Variants in TESPA1 observed in about 807,000 individuals in gnomAD.
The protein encoded by TESPA1 is thymocyte expressed, positive selection associated 1.
A neutral mutation model predicts 57.9 loss-of-function variants in TESPA1; 33 were observed. The ratio of observed to expected loss-of-function variants is 0.57; its 90% CI spans 0.43 to 0.76. The LOEUF (loss-of-function observed/expected upper bound fraction) is 0.76, where lower values mean the gene tolerates loss of function less well. Ranked by LOEUF, TESPA1 falls within the 30% of genes least tolerant of loss-of-function variation. TESPA1 has a pLI of 0.00. For missense variants in TESPA1, 618 were observed against 632.9 expected (o/e 0.98, Z 0.25); for synonymous variants, 227 against 228.9 (o/e 0.99, Z 0.07).
intron 7 of TESPA1, among the ~76,000 whole-genome samples, chr12:54,964,874 G>A (rs1951326808): frequency 6.6e-6 from 1 of 152,166 alleles, no homozygotes; most frequent in Non-Finnish European, 1.5e-5. Flanking sequence ...CACCTTTGCA[G>A]GCTTTAAAAA....
rs1420081992 is a variant in TESPA1 at position 54,963,837 on chromosome 12, G to A, written c.560C>T (p.Thr187Ile). ...DTSRIPARFF[T>I]TPSQAKGIDF... ...AATGCCCTTGGCCTGAGAGGGGGTG[G>A]TGAAAAATCGGGCGGGTATCCGAGA... The change falls in exon 8 of 11, where the codon ACC becomes ATC. Residue 187 changes from threonine to isoleucine, a missense_variant. This residue lies in a region of TESPA1 where 409 missense variants were observed against 420.1 expected (regional missense o/e 0.97). Coordinates refer to ENST00000449076, the MANE Select transcript of TESPA1 (RefSeq NM_001136030.3). The A allele has an allele frequency of 1.2e-6, 2 of 1,613,874 alleles. No homozygotes were observed. The highest frequency in any genetic ancestry group is 1.7e-6 in the Non-Finnish European group (2 of 1,179,888).
intron 10 of TESPA1, among the ~76,000 whole-genome samples, chr12:54,953,679 T>C (rs60780435): frequency 0.2 from 31,058 of 151,804 alleles, 5,409 homozygotes; most frequent in East Asian, 0.84. Context: ...CCACTACGCC[T>C]GGCTAATTTT....
At chr12:54,973,904 G>C in intron 2 of TESPA1, 1 of 1,055,436 alleles carries the variant, frequency 9.5e-7, no homozygotes, top group Non-Finnish European at 1.1e-6. Flanking sequence ...CAGAATTTTT[G>C]TTTTACTCTT....
Position 54,984,373 on chromosome 12 carries a change from AAAAC to A in TESPA1, c.-46+208_-46+211del, listed in dbSNP as rs1167636746. On this transcript the variant is annotated intron_variant, in intron 1 of 10. Coordinates refer to ENST00000449076, the MANE Select transcript of TESPA1 (RefSeq NM_001136030.3). ...AGATTACCTCTCTGATAATAAAGAG[AAAAC>A]AAACAAACGAAAGCAAAAGGGCACC... Among the ~76,000 whole-genome samples the A allele has an allele frequency of 4.6e-5, 7 of 152,322 alleles. No homozygotes were observed. In the East Asian group the frequency reaches 1.2e-3, roughly 25 times the overall value.
chr12:54,973,830 GAAAA>G (rs1344764813), intron 2 of TESPA1: 9 of 1,129,010 alleles, frequency 8.0e-6, no homozygotes, highest in Non-Finnish European at 9.7e-6. Context: ...AAAAGAAAAA[GAAAA>G]AGAAAGACAA....
intron 3 of TESPA1, among the ~76,000 whole-genome samples, chr12:54,972,208 G>T (rs1232381029): frequency 1.3e-5 from 2 of 152,200 alleles, no homozygotes; most frequent in Non-Finnish European, 2.9e-5. Flanking sequence ...TGTAGAGCAT[G>T]AGTGAAGAAA....
At position 54,949,623 on chromosome 12, in the gene TESPA1, A is replaced by G. The variant is rs1950262949; in HGVS notation, c.*769T>C. ...ACAGCTGTTAGTTAACTTTAAAAACATGCCATGATTTAAAAAAAATATTTG... is the reference window on the plus strand; with the variant it reads ...ACAGCTGTTAGTTAACTTTAAAAACGTGCCATGATTTAAAAAAAATATTTG... On this transcript the variant is annotated 3_prime_UTR_variant, in exon 11 of 11. Coordinates refer to ENST00000449076, the MANE Select transcript of TESPA1 (RefSeq NM_001136030.3). 1 of 152,450 alleles carries G rather than the reference A, an allele frequency of 6.6e-6. No individual in the cohort carries two copies. Among genetic ancestry groups the G allele is most frequent in the Non-Finnish European group, 1.5e-5 (1 of 68,042 alleles). The allele number at this position is 152,450 out of a possible 1,614,324, so 9.4% of individuals were successfully genotyped here. A position where few individuals can be genotyped will look rare whatever the true frequency, so the allele number is the denominator to read the frequency against.
chr12:54,966,569 C>T, intron 5 of TESPA1, 145 bp from the exon 6 acceptor site: 1 of 870,522 alleles, frequency 1.1e-6, no homozygotes, highest in Non-Finnish European at 1.8e-6. Flanking sequence ...TTCTGCACTT[C>T]TTGGGGCCTC....
chr12:54,980,927 A>C (rs1328146211), intron 1 of TESPA1, among the ~76,000 whole-genome samples: 1 of 152,106 alleles, frequency 6.6e-6, no homozygotes. Context: ...TGTCCTTGGT[A>C]ACACTATCTT....
At chr12:54,951,628 AT>A (rs143138909) in intron 10 of TESPA1, among the ~76,000 whole-genome samples, 6,987 of 152,272 alleles carry the variant, frequency 0.046, 523 homozygotes, top group African/African-American at 0.16. Flanking sequence ...AAATAAAAAT[AT>A]TCTTATCAAG....
chr12:54,969,046 T>TATATATATATATATATATAA, intron 3 of TESPA1, among the ~76,000 whole-genome samples: 2 of 124,472 alleles, frequency 1.6e-5, no homozygotes, highest in East Asian at 4.6e-4. Context: ...TATATATATA[T>TATATATATATATATATATAA]GTGTGTGTGT....
intron 3 of TESPA1, among the ~76,000 whole-genome samples, 200 bp downstream of exon 3, chr12:54,973,277 C>G (rs1951952349): frequency 6.6e-6 from 1 of 152,166 alleles, no homozygotes; most frequent in South Asian, 2.1e-4. Flanking sequence ...AGTCTTAGCC[C>G]CAAGTTGCAC....
chr12:54,949,586 C>T lies in TESPA1; in HGVS notation c.*806G>A, dbSNP rs1950261462. ...TGTTTATTGACAAAACATTTAACTT[C>T]CAAAGCAAACTACAGCTGTTAGTTA... On this transcript the variant is annotated 3_prime_UTR_variant, in exon 11 of 11. Transcript: ENST00000449076. 1 of 152,282 alleles carries T rather than the reference C, an allele frequency of 6.6e-6. No homozygotes were observed. The highest frequency in any genetic ancestry group is 2.4e-5 in the African/African-American group (1 of 41,406). 9.4% of individuals were successfully genotyped at this position (152,282 alleles called of 1,614,324 possible). A position where few individuals can be genotyped will look rare whatever the true frequency, so the allele number is the denominator to read the frequency against.
Position 54,966,167 on chromosome 12 carries a change from C to G in TESPA1, c.348-16G>C, listed in dbSNP as rs1283702599. On this transcript the variant is annotated splice_polypyrimidine_tract_variant and intron_variant, in intron 6 of 10. Transcript: ENST00000449076. Reference sequence around the variant, plus strand: ...GAGGAAACTCCTGCAGAGATCAAAGCTGATGTCATACAAATCTTGTTTCCA... The same window carrying G: ...GAGGAAACTCCTGCAGAGATCAAAGGTGATGTCATACAAATCTTGTTTCCA... The G allele has an allele frequency of 1.1e-5, 17 of 1,564,054 alleles. No individual in the cohort carries two copies. The highest frequency in any genetic ancestry group is 1.4e-5 in the Non-Finnish European group (16 of 1,153,752).
intron 9 of TESPA1, among the ~76,000 whole-genome samples, chr12:54,961,548 A>T (rs961974522): frequency 3.9e-5 from 6 of 152,226 alleles, no homozygotes; most frequent in African/African-American, 1.4e-4. Flanking sequence ...ACTTCATGGA[A>T]GTATCTTCCA....
rs71070858 is a variant in TESPA1, at chr12:54,969,046, T to TATATATATATATATATATATATATATAC, written c.207-1155_207-1154insGTATATATATATATATATATATATATAT. Among the ~76,000 whole-genome samples, 30 of 124,428 alleles carry TATATATATATATATATATATATATATAC rather than the reference T, an allele frequency of 2.4e-4. 2 individuals are homozygous for TATATATATATATATATATATATATATAC. Among genetic ancestry groups the TATATATATATATATATATATATATATAC allele is most frequent in the Admixed American group, 1.5e-3 (16 of 10,896 alleles). 81.6% of individuals were successfully genotyped at this position (124,428 alleles called of 152,430 possible). ...GTATATATATATATATATATATATA[T>TATATATATATATATATATATATATATAC]GTGTGTGTGTAGATAGATAGATATA... On this transcript the variant is annotated intron_variant, in intron 3 of 10. Transcript: ENST00000449076.
At chr12:54,973,701 T>C in intron 2 of TESPA1, 182 bp from the exon 3 acceptor site, 1 of 1,365,806 alleles carries the variant, frequency 7.3e-7, no homozygotes, top group Admixed American at 3.2e-5. Context: ...TAGATATTTC[T>C]TCTCTCTCTC....
At position 54,974,393 on chromosome 12, in the gene TESPA1, C is replaced by CG. The variant is rs763286964; in HGVS notation, c.163+6_163+7insC. 1.3e-6 allele frequency: 2 copies of CG among 1,596,462 alleles called. No individual in the cohort carries two copies. The highest frequency in any genetic ancestry group is 1.7e-6 in the Non-Finnish European group (2 of 1,171,584). The stretch of plus-strand genomic sequence containing the variant: ...ACATAGACGCCTGTCTGATGTTCGT[C>CG]TCTTACCTTCTTGGAAAACGTCATC... On this transcript the variant is annotated splice_region_variant and intron_variant, in intron 2 of 10. Transcript: ENST00000449076.
At chr12:54,971,452 C>T (rs1211557290) in intron 3 of TESPA1, among the ~76,000 whole-genome samples, 1 of 152,170 alleles carries the variant, frequency 6.6e-6, no homozygotes, top group Non-Finnish European at 1.5e-5. Flanking sequence ...CTTTTCCATG[C>T]AATTAAGAAG....
Sources: allele counts gnomAD v4.1 joint callset (sites outside exome capture counted in the v4.1 genomes callset), GRCh38; gene constraint gnomAD v4.1.1; regional missense constraint gnomAD v4.1.1; transcripts MANE v1.5; gene names NCBI Gene and HGNC (gene_info 2026-07-23, HGNC 2026-07-21).